Variants in DAB2IP observed in about 807,000 individuals in gnomAD.
The protein encoded by DAB2IP is DAB2 interacting protein.
In DAB2IP, 28 loss-of-function variants were observed where a neutral mutation model predicts 107.2. The observed-to-expected ratio is 0.26, with a 90% CI of 0.19 to 0.36. The LOEUF is 0.36. Ranked by LOEUF, DAB2IP falls within the 10% of genes least tolerant of loss-of-function variation. The probability of loss-of-function intolerance (pLI) is 1.00; values close to 1 mark genes in which losing one functional copy is unlikely to be tolerated. For missense variants in DAB2IP, 1,400 were observed against 1,644.7 expected (o/e 0.85, Z 2.57); for synonymous variants, 755 against 706.4 (o/e 1.07, Z -1.09).
chr9:121,765,095 GC>G (rs1218615680), intron 8 of DAB2IP, among the ~76,000 whole-genome samples: 1 of 152,232 alleles, frequency 6.6e-6, no homozygotes, highest in Non-Finnish European at 1.5e-5. Context: ...CTCAAGATGG[GC>G]CACAAATGTG....
intron 1 of DAB2IP, among the ~76,000 whole-genome samples, chr9:121,655,437 T>C (rs1438531767): frequency 6.6e-6 from 1 of 152,368 alleles, no homozygotes; most frequent in Non-Finnish European, 1.5e-5. Context: ...CTTAAGCACC[T>C]ACTATGTGCT....
chr9:121,758,459 A>T (rs1242755456), intron 4 of DAB2IP, among the ~76,000 whole-genome samples: 2 of 152,118 alleles, frequency 1.3e-5, no homozygotes, highest in African/African-American at 4.8e-5. Context: ...GACTGAGGGG[A>T]TTCTGGTACC....
At chr9:121,630,532 A>T (rs890780552) in intron 1 of DAB2IP, among the ~76,000 whole-genome samples, 1 of 110,156 alleles carries the variant, frequency 9.1e-6, no homozygotes, top group Non-Finnish European at 1.7e-5. Flanking sequence ...CTCATAAAAA[A>T]ATTTTTTTTT....
chr9:121,690,281 C>T (rs1829096162), intron 2 of DAB2IP, among the ~76,000 whole-genome samples: 2 of 151,374 alleles, frequency 1.3e-5, no homozygotes, highest in South Asian at 4.2e-4. Context: ...GGAATGAGCA[C>T]TAAAGTCAGC....
intron 1 of DAB2IP, among the ~76,000 whole-genome samples, chr9:121,582,419 TG>T (rs1171127653): frequency 1.3e-5 from 2 of 151,904 alleles, no homozygotes; most frequent in African/African-American, 4.8e-5. Context: ...GTGCGGGCTG[TG>T]GGGGGTGAGA....
intron 1 of DAB2IP, among the ~76,000 whole-genome samples, chr9:121,590,076 C>T (rs1830395780): frequency 6.6e-6 from 1 of 151,764 alleles, no homozygotes; most frequent in Admixed American, 6.6e-5. Flanking sequence ...CAGAACAGGT[C>T]TTCCCTGGAA....
At position 121,651,887 on chromosome 9, in the gene DAB2IP, C is replaced by A. The variant is rs1213079912; in HGVS notation, c.112C>A (p.Arg38=). 1.4e-6 allele frequency: 2 copies of A among 1,413,448 alleles called. No individual in the cohort carries two copies. Among genetic ancestry groups the A allele is most frequent in the East Asian group, 2.9e-5 (1 of 33,964 alleles). 87.6% of individuals were successfully genotyped at this position (1,413,448 alleles called of 1,614,324 possible). ...GAGGAGCCGCTCCCGCAGCCGGACC[C>A]GGCCTGCCAGGGGTAGGCGCCACCC... Residue 38 remains arginine (R), a synonymous_variant, in exon 1 of 16, where the codon CGG becomes AGG. Coordinates refer to ENST00000408936, the Ensembl canonical transcript of DAB2IP. This position sits in a 1 kb window ranked among gnomAD's most constrained non-coding sequence, Gnocchi z 5.1.
chr9:121,760,075 G>A lies in DAB2IP; in HGVS notation c.806G>A (p.Arg269His), dbSNP rs767688313. 15 of 1,613,900 alleles carry A rather than the reference G, an allele frequency of 9.3e-6. No individual in the cohort carries two copies. The highest frequency in any genetic ancestry group is 2.7e-5 in the African/African-American group (2 of 74,916). Residue 269 changes from arginine to histidine, a missense_variant, in exon 6 of 16, where the codon CGC (arginine) becomes CAC (histidine). Physicochemically the swap from Arg to His is conservative, Grantham distance 29. Coordinates refer to ENST00000408936, the Ensembl canonical transcript of DAB2IP. This position sits in a 1 kb window ranked among gnomAD's most constrained non-coding sequence, Gnocchi z 5.9. ...GAGTTCCACAACTTGCCGCCTCTGC[G>A]CACGGTCACTGTCCACCTGTACCGG...
At chr9:121,628,297 GC>G (rs925528518) in intron 1 of DAB2IP, among the ~76,000 whole-genome samples, 25 of 151,896 alleles carry the variant, frequency 1.6e-4, no homozygotes, top group African/African-American at 2.4e-4. Context: ...GATTAGGTGG[GC>G]CCCCCCCATC....
At chr9:121,694,219 C>T (rs576684535) in intron 2 of DAB2IP, among the ~76,000 whole-genome samples, 4 of 152,262 alleles carry the variant, frequency 2.6e-5, no homozygotes, top group South Asian at 4.1e-4. Flanking sequence ...GGAGTCCCCA[C>T]GCTGCCCATC....
chr9:121,698,059 T>G lies in DAB2IP; in HGVS notation c.229-1266T>G, dbSNP rs1256261535. On this transcript the variant is annotated intron_variant, in intron 2 of 15. Transcript: ENST00000408936. The surrounding 1 kb of genome is among the most constrained non-coding windows in gnomAD (Gnocchi z 4.1). ...AGATGGACAGATACAGCCCAGGGCC[T>G]GTGCCAAACATCCACTGCTCCTCTT... is the stretch of plus-strand genomic sequence containing the variant. Among the ~76,000 whole-genome samples, 2 of 152,216 alleles carry G rather than the reference T, an allele frequency of 1.3e-5. No individual in the cohort carries two copies. Among genetic ancestry groups the G allele is most frequent in the Non-Finnish European group, 2.9e-5 (2 of 68,030 alleles).
chr9:121,695,022 G>A (rs1043998580), intron 2 of DAB2IP, among the ~76,000 whole-genome samples: 1 of 152,174 alleles, frequency 6.6e-6, no homozygotes, highest in African/African-American at 2.4e-5. Flanking sequence ...TGCTTGCTGA[G>A]CTTTAGACAT....
intron 4 of DAB2IP, among the ~76,000 whole-genome samples, chr9:121,758,455 G>A (rs557390970): frequency 6.6e-6 from 1 of 152,324 alleles, no homozygotes; most frequent in African/African-American, 2.4e-5. Flanking sequence ...TGAGGACTGA[G>A]GGGATTCTGG....
At chr9:121,741,231 G>T (rs763346416) in intron 3 of DAB2IP, among the ~76,000 whole-genome samples, 5 of 152,208 alleles carry the variant, frequency 3.3e-5, no homozygotes, top group South Asian at 2.1e-4. Context: ...TTGCGGCAAA[G>T]CCTGTAGCTT....
intron 1 of DAB2IP, among the ~76,000 whole-genome samples, chr9:121,641,006 CCT>C (rs1287145701): frequency 6.6e-6 from 1 of 152,200 alleles, no homozygotes; most frequent in African/African-American, 2.4e-5. Context: ...TGGGCCATCC[CCT>C]CTTTATACCC....
rs1182715253 is a variant in DAB2IP at position 121,635,172 on chromosome 9, G to C, written c.41-43506G>C. Among the ~76,000 whole-genome samples, 1 of 152,186 alleles carries C rather than the reference G, an allele frequency of 6.6e-6. No individual in the cohort carries two copies. The highest frequency in any genetic ancestry group is 2.4e-5 in the African/African-American group (1 of 41,440). ...GGTCAATGCCTCAGGAGGTCAGCAG[G>C]TGGAGAAAGAGAGCCGTGTGTGGGG... On this transcript the variant is annotated intron_variant, in intron 1 of 16. Transcript: ENST00000259371. This position sits in a 1 kb window ranked among gnomAD's most constrained non-coding sequence, Gnocchi z 4.3.
intron 4 of DAB2IP, 50 bp downstream of exon 4, chr9:121,757,216 T>C: frequency 6.3e-7 from 1 of 1,591,594 alleles, no homozygotes; most frequent in Non-Finnish European, 8.6e-7. Context: ...TCTCCTGGCC[T>C]GGCTGGTCTC....
At chr9:121,622,288 C>T (rs549625501) in intron 1 of DAB2IP, among the ~76,000 whole-genome samples, 1 of 152,288 alleles carries the variant, frequency 6.6e-6, no homozygotes, top group South Asian at 2.1e-4. Flanking sequence ...GCACCCGGCC[C>T]CGTTTGTGTT....
exon 6 of DAB2IP, chr9:121,759,910 T>A (rs762325506): frequency 1.2e-6 from 2 of 1,613,834 alleles, no homozygotes; most frequent in Non-Finnish European, 1.7e-6. Flanking sequence ...GTGGAGCACA[T>A]CCTGAAGCTG....
Sources: allele counts gnomAD v4.1 joint callset (sites outside exome capture counted in the v4.1 genomes callset), GRCh38; gene constraint gnomAD v4.1.1; non-coding constraint Gnocchi (gnomAD v3.1); transcripts MANE v1.5; gene names NCBI Gene and HGNC (gene_info 2026-07-23, HGNC 2026-07-21).